RAE1: variants seen among roughly 807,000 people sequenced by gnomAD.
The protein encoded by RAE1 is mRNA export factor RAE1.
RAE1 carries 13 observed loss-of-function variants against 52.7 expected under a neutral mutation model. The ratio of observed to expected loss-of-function variants is 0.25; its 90% confidence interval spans 0.16 to 0.39. The LOEUF is 0.39. RAE1 is among the 10% of genes least tolerant of loss of function. RAE1 has a pLI of 1.00. For synonymous variants in RAE1, 164 were observed against 153.1 expected, an observed-to-expected ratio of 1.07 and a Z score of -0.52; for missense variants, 262 against 459.8, an observed-to-expected ratio of 0.57 and a Z score of 3.93.
chr20:57,357,040 T>C lies in RAE1; in HGVS notation c.288+502T>C, dbSNP rs562769059. ...GTAGTGAGAATGTTAAGGGGCCTGG[T>C]GACAGGCAGACACACTGCAGTGCTG... On this transcript the variant is annotated intron_variant, in intron 4 of 11. Transcript: ENST00000395841. 1.3e-5 allele frequency among the ~76,000 whole-genome samples: 2 copies of C among 152,352 alleles called. 1 individual carries two copies. Among genetic ancestry groups the C allele is most frequent in the South Asian group, 4.1e-4 (2 of 4,828 alleles).
At chr20:57,374,948 G>T (rs2067090124) in intron 11 of RAE1, 147 bp downstream of exon 11, 1 of 866,940 alleles carries the variant, frequency 1.2e-6, no homozygotes, top group Middle Eastern at 2.1e-4. Flanking sequence ...AGGGGAAATT[G>T]CAGGACTTCC....
chr20:57,370,680 C>G (rs377037244), intron 8 of RAE1, among the ~76,000 whole-genome samples: 51 of 152,380 alleles, frequency 3.3e-4, no homozygotes, highest in African/African-American at 1.2e-3. Flanking sequence ...TTCTCCCTTG[C>G]TACTGCCACC....
chr20:57,357,414 C>T (rs1025633709), intron 4 of RAE1: 1 of 152,112 alleles, frequency 6.6e-6, no homozygotes, highest in Non-Finnish European at 1.5e-5. Context: ...ATTGTTTTGT[C>T]AGATATATTT....
chr20:57,373,061 G>T, intron 8 of RAE1: 1 of 229,670 alleles, frequency 4.4e-6, no homozygotes, highest in East Asian at 1.2e-4. Context: ...AGACGGGTGC[G>T]GCAGAGCCTG....
At chr20:57,366,670 G>A (rs2066958757) in intron 5 of RAE1, 137 bp from the exon 6 acceptor site, 3 of 784,572 alleles carry the variant, frequency 3.8e-6, no homozygotes, top group Non-Finnish European at 6.5e-6. Flanking sequence ...TTGGTAAAAT[G>A]CTAAGTATGT....
At chr20:57,354,641 G>T in intron 2 of RAE1, 71 bp from the exon 3 acceptor site, 1 of 1,135,506 alleles carries the variant, frequency 8.8e-7, no homozygotes, top group South Asian at 1.7e-5. Context: ...GAGGTAATTA[G>T]TGAGAAAGAA....
chr20:57,359,089 G>T (rs1433794345), intron 4 of RAE1: 1 of 1,344,290 alleles, frequency 7.4e-7, no homozygotes, highest in African/African-American at 1.5e-5. Flanking sequence ...CCTTCGCACG[G>T]TCAGGATACC....
At chr20:57,353,324 A>T (rs2066738086) in intron 1 of RAE1, among the ~76,000 whole-genome samples, 1 of 152,252 alleles carries the variant, frequency 6.6e-6, no homozygotes. Flanking sequence ...ATGTTTGCAG[A>T]GCAGGAAAAT....
Position 57,374,789 on chromosome 20 carries a change from C to T in RAE1, c.1008C>T (p.Tyr336=), listed in dbSNP as rs370930980. The change falls in exon 11 of 12, where the codon TAC becomes TAT. Residue 336 remains tyrosine (Y), a synonymous_variant. Transcript: ENST00000395841. ...NGNIFAYASS[Y]DWSKGHEFYN... ...ACATATTTGCATACGCTTCCAGCTA[C>T]GACTGGTCAAAGGTGAGAACTCCCG... 7.4e-5 allele frequency: 120 copies of T among 1,614,068 alleles called. No individual in the cohort carries two copies. The highest frequency in any genetic ancestry group is 9.7e-5 in the Non-Finnish European group (115 of 1,180,046).
At chr20:57,376,166 C>CT (rs1200659632) in intron 11 of RAE1, among the ~76,000 whole-genome samples, 1 of 152,254 alleles carries the variant, frequency 6.6e-6, no homozygotes, top group Non-Finnish European at 1.5e-5. Context: ...TTCCATCCCT[C>CT]TGACCCCTCC....
Position 57,374,769 on chromosome 20 carries a change from T to C in RAE1, c.988T>C (p.Phe330Leu), listed in dbSNP as rs1270193661. The C allele has an allele frequency of 3.1e-6, 5 of 1,614,188 alleles. No homozygotes were observed. In the African/African-American group the frequency reaches 6.7e-5, roughly 22 times the overall value. Residue 330 changes from phenylalanine (F) to leucine (L), a missense_variant, in exon 11 of 12, where the codon TTT becomes CTT. Transcript: ENST00000395841. ...CTGTTTCAATCACAATGGAAACATA[T>C]TTGCATACGCTTCCAGCTACGACTG... ...ACCFNHNGNI[F>L]AYASSYDWSK...
chr20:57,360,568 T>C (rs903058792), intron 4 of RAE1, among the ~76,000 whole-genome samples: 1 of 152,358 alleles, frequency 6.6e-6, no homozygotes, highest in Non-Finnish European at 1.5e-5. Context: ...GGTTTAGGGC[T>C]AAGCATAGAG....
intron 8 of RAE1, chr20:57,372,379 T>G (rs939183403): frequency 6.6e-6 from 1 of 152,220 alleles, no homozygotes. Flanking sequence ...CGCCCTGGCC[T>G]CTCCGTTGTT....
chr20:57,374,385 T>A (rs563046896), intron 10 of RAE1, among the ~76,000 whole-genome samples: 40 of 152,338 alleles, frequency 2.6e-4, no homozygotes, highest in African/African-American at 8.9e-4. Flanking sequence ...GTCCACATGC[T>A]CACTTTCTCT....
chr20:57,366,397 T>C (rs1180973327), intron 5 of RAE1, among the ~76,000 whole-genome samples: 1 of 152,186 alleles, frequency 6.6e-6, no homozygotes, highest in Non-Finnish European at 1.5e-5. Flanking sequence ...TCTGCTCGGC[T>C]TCTGGGGAAT....
intron 8 of RAE1, chr20:57,373,038 C>G: frequency 4.6e-6 from 1 of 216,842 alleles, no homozygotes; most frequent in Non-Finnish European, 9.4e-6. Context: ...CCCCTTCACC[C>G]TGTTACCCTG....
At chr20:57,374,017 C>T (rs2067074995) in intron 10 of RAE1, among the ~76,000 whole-genome samples, 1 of 152,146 alleles carries the variant, frequency 6.6e-6, no homozygotes, top group African/African-American at 2.4e-5. Context: ...CCTCAGCCTC[C>T]CAAGTAGTTG....
chr20:57,360,903 T>C (rs575831050), intron 4 of RAE1, among the ~76,000 whole-genome samples: 1 of 152,312 alleles, frequency 6.6e-6, no homozygotes, highest in African/African-American at 2.4e-5. Context: ...ATCCGGGTGA[T>C]CTAGAGGACA....
chr20:57,376,478 C>G (rs1326033117), intron 11 of RAE1, among the ~76,000 whole-genome samples: 1 of 152,176 alleles, frequency 6.6e-6, no homozygotes, highest in Non-Finnish European at 1.5e-5. Flanking sequence ...AAGTGGAGCC[C>G]TACGCTACAT....
Sources: gnomAD v4.1 joint callset for allele counts (sites outside exome capture counted in the v4.1 genomes callset) on GRCh38, gnomAD v4.1.1 for gene constraint, MANE v1.5 for transcripts, NCBI Gene and HGNC (gene_info 2026-07-23, HGNC 2026-07-21) for gene names.